LCTL: variants seen among roughly 807,000 people sequenced by gnomAD.
LCTL encodes the protein lactase like.
A neutral mutation model predicts 75.8 loss-of-function variants in LCTL; 76 were observed. That is an observed-to-expected ratio of 1.00 (90% CI 0.83 to 1.21). The LOEUF is 1.21. Ranked by LOEUF, LCTL falls within the 50% of genes most tolerant of loss-of-function variation. The pLI, the probability that LCTL is intolerant of heterozygous loss-of-function variation, is 0.00. For missense variants in LCTL, 670 were observed against 712.4 expected (o/e 0.94, Z 0.68); for synonymous variants, 271 against 268.8 (o/e 1.01, Z -0.08).
At position 66,564,005 on chromosome 15, in the gene LCTL, A is replaced by G. The variant is rs1895959364; in HGVS notation, c.283-7T>C. On this transcript the variant is annotated splice_polypyrimidine_tract_variant and splice_region_variant and intron_variant, in intron 2 of 12. Transcript: ENST00000341509. ...TCAGCAGAATGATGTCCTCCTGTGC[A>G]GACAGGGGTGGGGAGACAGGTCACC... 1 of 1,603,082 alleles carries G rather than the reference A, an allele frequency of 6.2e-7. No homozygotes were observed. The highest frequency in any genetic ancestry group is 8.5e-7 in the Non-Finnish European group (1 of 1,170,370).
intron 11 of LCTL, among the ~76,000 whole-genome samples, chr15:66,550,662 A>G (rs975731108): frequency 3.3e-5 from 5 of 151,996 alleles, no homozygotes; most frequent in African/African-American, 1.2e-4. Context: ...AAATTTTTGT[A>G]GAAATGATAT....
rs200340415 is a variant in LCTL at position 66,550,040 on chromosome 15, C to T, written c.1588+1G>A. The T allele has an allele frequency of 1.3e-6, 2 of 1,595,840 alleles. No individual in the cohort carries two copies. Among genetic ancestry groups the T allele is most frequent in the Non-Finnish European group, 1.7e-6 (2 of 1,171,094 alleles). ...GAAAACATTGAAATATACTGACTCA[C>T]CTGCAGCAAGCATCTGATTGTTGAT... is the stretch of plus-strand genomic sequence containing the variant. On this transcript the variant is annotated splice_donor_variant, in intron 12 of 12. Coordinates refer to ENST00000341509, the Ensembl canonical transcript of LCTL. LOFTEE classifies it high-confidence loss of function.
Position 66,557,807 on chromosome 15 carries a change from G to C in LCTL, c.837C>G (p.Ala279=), listed in dbSNP as rs202013638. The stretch of plus-strand genomic sequence containing the variant: ...CCAGACAGAACTGTAGGTATCTCTC[G>C]GCAGCCTCTAGGTCCTTGGGGTTAC... The change falls in exon 8 of 13, where the codon GCC becomes GCG. Residue 279 remains alanine, a synonymous_variant. Transcript: ENST00000341509. 38 of 1,613,982 alleles carry C rather than the reference G, an allele frequency of 2.4e-5. 1 individual carries two copies. The South Asian group carries it at 4.2e-4, about 18-fold the overall frequency.
chr15:66,564,703 T>C (rs1469166560), exon 2 of LCTL: 1 of 1,613,232 alleles, frequency 6.2e-7, no homozygotes, highest in Non-Finnish European at 8.5e-7. Context: ...CGTCACAGGC[T>C]ACATCTGCCG....
Position 66,551,869 on chromosome 15 carries a change from G to A in LCTL, c.1325-8C>T. 6.3e-7 allele frequency: 1 copy of A among 1,596,074 alleles called. No individual in the cohort carries two copies. The highest frequency in any genetic ancestry group is 8.6e-7 in the Non-Finnish European group (1 of 1,169,348). On this transcript the variant is annotated splice_region_variant and splice_polypyrimidine_tract_variant and intron_variant, in intron 10 of 12. Transcript: ENST00000341509. ...TAGCACCATCTTTTATAGCTGCAAA[G>A]ACATTTTATTCCATTTTAAATATAT...
At chr15:66,552,902 C>A (rs1791718681) in intron 9 of LCTL, 82 bp downstream of exon 10, 2 of 1,250,092 alleles carry the variant, frequency 1.6e-6, no homozygotes, top group African/African-American at 1.5e-5. Context: ...TATTAACTTT[C>A]TAATGTAGGC....
chr15:66,559,812 C>T (rs1032293444), intron 6 of LCTL, among the ~76,000 whole-genome samples: 1 of 152,100 alleles, frequency 6.6e-6, no homozygotes, highest in African/African-American at 2.4e-5. Context: ...TGAGGCGGGG[C>T]GCTATGGCGC....
chr15:66,557,105 G>A (rs970786275), intron 8 of LCTL, among the ~76,000 whole-genome samples: 4 of 152,138 alleles, frequency 2.6e-5, no homozygotes, highest in African/African-American at 9.7e-5. Flanking sequence ...GAAGGTGCCA[G>A]AGTGGAAAGA....
intron 4 of LCTL, among the ~76,000 whole-genome samples, chr15:66,563,301 T>C (rs1332233305): frequency 6.6e-6 from 1 of 152,222 alleles, no homozygotes. Context: ...TCCCGTTCTT[T>C]ACAAGTTACC....
At chr15:66,554,625 G>A (rs1396473450) in intron 8 of LCTL, among the ~76,000 whole-genome samples, 1 of 152,140 alleles carries the variant, frequency 6.6e-6, no homozygotes, top group Admixed American at 6.5e-5. Flanking sequence ...CACATGTAAA[G>A]GGATGTTTGT....
intron 6 of LCTL, among the ~76,000 whole-genome samples, chr15:66,560,408 C>T (rs756843201): frequency 7.2e-5 from 11 of 152,122 alleles, no homozygotes; most frequent in Non-Finnish European, 1.3e-4. Context: ...GCATCTTCTC[C>T]GAATGGCCCC....
intron 8 of LCTL, among the ~76,000 whole-genome samples, chr15:66,553,877 C>T (rs999941896): frequency 3.3e-5 from 5 of 151,974 alleles, no homozygotes; most frequent in African/African-American, 9.7e-5. Flanking sequence ...GTAATTTGGC[C>T]GGGTGCAATG....
At chr15:66,564,578 G>A in intron 2 of LCTL, 98 bp downstream of exon 3, 1 of 1,360,080 alleles carries the variant, frequency 7.4e-7, no homozygotes, top group Non-Finnish European at 1.0e-6. Flanking sequence ...ATTGTCATCA[G>A]AGCTCCCCCA....
intron 6 of LCTL, among the ~76,000 whole-genome samples, chr15:66,559,789 A>G (rs535142211): frequency 2.9e-4 from 44 of 152,184 alleles, no homozygotes; most frequent in Non-Finnish European, 4.0e-4. Flanking sequence ...CATGTTTAAT[A>G]TTAAAAATAT....
rs187479316 is a variant in LCTL at position 66,563,866 on chromosome 15, C to T, written c.370+45G>A. Reference sequence around the variant, plus strand: ...GGTGCCCCTGCAAAGCCAACATTGCCGGAAGGGGCCTCACTTGGGTTCAAG... The same window carrying T: ...GGTGCCCCTGCAAAGCCAACATTGCTGGAAGGGGCCTCACTTGGGTTCAAG... On this transcript the variant is annotated intron_variant, in intron 3 of 12. Transcript: ENST00000341509. The T allele has an allele frequency of 2.7e-4, 404 of 1,478,358 alleles. 5 individuals are homozygous for T. The African/African-American group carries it at 4.4e-3, about 16-fold the overall frequency. 91.6% of individuals were successfully genotyped at this position (1,478,358 alleles called of 1,614,324 possible).
rs1895782897 is a variant in LCTL, at chr15:66,557,966, T to TG, written c.760+15dup. 6.2e-7 allele frequency: 1 copy of TG among 1,606,306 alleles called. No homozygotes were observed. Among genetic ancestry groups the TG allele is most frequent in the Non-Finnish European group, 8.5e-7 (1 of 1,174,108 alleles). ...CACTTGGCTGTCCTGGGTACATGTG[T>TG]GGGGCCACAGCTCACCTTGCTGCTT... On this transcript the variant is annotated intron_variant, in intron 7 of 12. Coordinates refer to ENST00000341509, the Ensembl canonical transcript of LCTL.
chr15:66,549,152 A>T (rs760112373), intron 12 of LCTL: 1 of 152,316 alleles, frequency 6.6e-6, no homozygotes, highest in South Asian at 2.1e-4. Flanking sequence ...ACCCACTTTT[A>T]TCTTGTGTGC....
intron 8 of LCTL, among the ~76,000 whole-genome samples, chr15:66,553,626 C>G (rs897989809): frequency 6.6e-6 from 1 of 151,448 alleles, no homozygotes; most frequent in African/African-American, 2.4e-5. Context: ...GTGGTGGCAG[C>G]CGCCTGTAGT....
chr15:66,551,741 T>C, exon 11 of LCTL: 1 of 1,614,066 alleles, frequency 6.2e-7, no homozygotes, highest in Non-Finnish European at 8.5e-7. Context: ...GCGAGGCTTA[T>C]TTCTGTCGTT....
Sources: gnomAD v4.1 joint callset for allele counts (sites outside exome capture counted in the v4.1 genomes callset) on GRCh38, gnomAD v4.1.1 for gene constraint, MANE v1.5 for transcripts, NCBI Gene and HGNC (gene_info 2026-07-23, HGNC 2026-07-21) for gene names.